BIN3: variants seen among roughly 807,000 people sequenced by gnomAD.
The protein encoded by BIN3 is bridging integrator 3.
In BIN3, 41 loss-of-function variants were observed where a neutral mutation model predicts 38.2. The ratio of observed to expected loss-of-function variants is 1.07; its 90% CI spans 0.84 to 1.39. The LOEUF is 1.39. BIN3 is among the 40% of genes most tolerant of loss of function. BIN3 has a pLI of 0.00. For missense variants in BIN3, 361 were observed against 324.3 expected (o/e 1.11, Z -0.87); for synonymous variants, 145 against 122.6 (o/e 1.18, Z -1.21).
intron 1 of BIN3, among the ~76,000 whole-genome samples, chr8:22,647,819 TAA>T (rs1802758320): frequency 6.6e-6 from 1 of 152,116 alleles, no homozygotes; most frequent in African/African-American, 2.4e-5. Flanking sequence ...CCTTCACATT[TAA>T]AAAGTTTTAA....
At chr8:22,625,396 A>G (rs768631346) in intron 6 of BIN3, 5 of 702,600 alleles carry the variant, frequency 7.1e-6, no homozygotes, top group South Asian at 4.4e-5. Context: ...ACCCAGGACC[A>G]GAAGAGTTGG....
intron 1 of BIN3, among the ~76,000 whole-genome samples, chr8:22,658,034 G>A (rs576844652): frequency 1.3e-5 from 2 of 152,270 alleles, no homozygotes; most frequent in Non-Finnish European, 2.9e-5. Flanking sequence ...GGCGTGGGCA[G>A]AGAGCCAGAG....
intron 1 of BIN3, 29 bp from the exon 2 acceptor site, chr8:22,644,832 T>C (rs367996209): frequency 7.5e-6 from 12 of 1,592,030 alleles, no homozygotes; most frequent in South Asian, 3.4e-5. Context: ...AAGAGAGATA[T>C]TGTGAGAAGT....
chr8:22,654,244 TA>T (rs1166993165), intron 1 of BIN3, among the ~76,000 whole-genome samples: 3 of 152,320 alleles, frequency 2.0e-5, no homozygotes. Context: ...ATTTATGCCT[TA>T]AAAAACTGCT....
intron 6 of BIN3, among the ~76,000 whole-genome samples, chr8:22,629,462 G>A (rs1312689642): frequency 6.6e-6 from 1 of 152,214 alleles, no homozygotes; most frequent in Non-Finnish European, 1.5e-5. Context: ...ACCCCAACAG[G>A]TCACAAGCTA....
chr8:22,652,797 AT>A (rs1802944646), intron 1 of BIN3, among the ~76,000 whole-genome samples: 1 of 152,258 alleles, frequency 6.6e-6, no homozygotes, highest in Admixed American at 6.5e-5. Flanking sequence ...TAGTATTTTT[AT>A]GAATCATCTG....
chr8:22,628,049 G>T (rs1486790065), intron 6 of BIN3, among the ~76,000 whole-genome samples: 4 of 152,234 alleles, frequency 2.6e-5, no homozygotes, highest in African/African-American at 4.8e-5. Context: ...GGGATGGGAG[G>T]GGCGAAGAGG....
chr8:22,647,077 C>A (rs964455833), intron 1 of BIN3, among the ~76,000 whole-genome samples: 1 of 152,204 alleles, frequency 6.6e-6, no homozygotes, highest in Non-Finnish European at 1.5e-5. Context: ...CTCTCTGGAG[C>A]CCAGTTTCTT....
At chr8:22,641,251 C>A (rs1802549127) in intron 2 of BIN3, among the ~76,000 whole-genome samples, 1 of 152,238 alleles carries the variant, frequency 6.6e-6, no homozygotes, top group Non-Finnish European at 1.5e-5. Flanking sequence ...CTGGGCCAGG[C>A]TGGCGAGGTT....
intron 6 of BIN3, chr8:22,626,179 A>G (rs1309471216): frequency 6.6e-6 from 1 of 152,308 alleles, no homozygotes. Context: ...TCAAACCAGC[A>G]TCTGACCGAC....
intron 1 of BIN3, among the ~76,000 whole-genome samples, chr8:22,647,017 A>AT (rs771374639): frequency 2.0e-4 from 31 of 152,350 alleles, no homozygotes; most frequent in Non-Finnish European, 2.6e-4. Context: ...CGGTATCAGA[A>AT]AACGTGGCCT....
chr8:22,656,686 G>A (rs570716241), intron 1 of BIN3, among the ~76,000 whole-genome samples: 1 of 152,284 alleles, frequency 6.6e-6, no homozygotes, highest in South Asian at 2.1e-4. Flanking sequence ...TTTCAGCCAG[G>A]AACGTTCCTA....
intron 1 of BIN3, among the ~76,000 whole-genome samples, chr8:22,664,039 C>A (rs527714161): frequency 6.6e-6 from 1 of 152,298 alleles, no homozygotes; most frequent in East Asian, 1.9e-4. Flanking sequence ...AAATGTTGAA[C>A]AAGCATTAAA....
intron 1 of BIN3, among the ~76,000 whole-genome samples, chr8:22,666,397 G>T (rs1435152631): frequency 1.4e-5 from 2 of 147,100 alleles, no homozygotes; most frequent in Non-Finnish European, 3.0e-5. Context: ...GCAAATGGCG[G>T]GGGGAGGTGG....
chr8:22,629,553 C>T (rs1802114178), intron 6 of BIN3, among the ~76,000 whole-genome samples: 1 of 152,268 alleles, frequency 6.6e-6, no homozygotes, highest in African/African-American at 2.4e-5. Flanking sequence ...CCGAGTGCTG[C>T]AGGCAGCTGC....
intron 1 of BIN3, among the ~76,000 whole-genome samples, chr8:22,649,141 C>A (rs967517780): frequency 6.6e-6 from 1 of 152,044 alleles, no homozygotes; most frequent in Non-Finnish European, 1.5e-5. Flanking sequence ...TTCATTAATC[C>A]CCCAAATCTA....
At chr8:22,625,772 G>A (rs1801984942) in intron 6 of BIN3, 2 of 198,156 alleles carry the variant, frequency 1.0e-5, no homozygotes, top group Admixed American at 1.0e-4. Context: ...ATTTTTAGTG[G>A]AGACGGGGTT....
At chr8:22,652,641 G>A (rs1280960675) in intron 1 of BIN3, among the ~76,000 whole-genome samples, 2 of 152,190 alleles carry the variant, frequency 1.3e-5, no homozygotes, top group East Asian at 3.8e-4. Flanking sequence ...AGGCGGGTTT[G>A]AAGTTTATAC....
At chr8:22,651,182 T>C (rs1802878321) in intron 1 of BIN3, among the ~76,000 whole-genome samples, 1 of 152,234 alleles carries the variant, frequency 6.6e-6, no homozygotes. Context: ...CATACTTTTT[T>C]TTTAACTTTC....
Sources: allele counts gnomAD v4.1 joint callset (sites outside exome capture counted in the v4.1 genomes callset), GRCh38; gene constraint gnomAD v4.1.1; transcripts MANE v1.5; gene names NCBI Gene and HGNC (gene_info 2026-07-23, HGNC 2026-07-21).